The following ATXN7 variants were observed in gnomAD, a reference collection of about 807,000 sequenced individuals.
ATXN7 encodes ataxin 7.
Under a neutral mutation model 70.5 loss-of-function variants are expected in ATXN7, and 12 were observed. The observed-to-expected ratio is 0.17, with a 90% CI of 0.11 to 0.28. The LOEUF is 0.28. Ranked by LOEUF, ATXN7 falls within the 10% of genes least tolerant of loss-of-function variation. The probability of loss-of-function intolerance (pLI) is 1.00; values close to 1 mark genes in which losing one functional copy is unlikely to be tolerated. For missense variants in ATXN7, 1,256 were observed against 1,131.7 expected (o/e 1.11, Z -1.58); for synonymous variants, 498 against 448.7 (o/e 1.11, Z -1.39).
In ATXN7 at chr3:63,988,136, C is replaced by T; in HGVS notation, c.1173C>T (p.Asn391=). Reference sequence around the variant, plus strand: ...ATGTGTTATTAGCCGAGCACAAAAACAAAACCAGGGAAAAGGAATTGATTC... The same window carrying T: ...ATGTGTTATTAGCCGAGCACAAAAATAAAACCAGGGAAAAGGAATTGATTC... The part of the protein sequence containing the change: ...RFDVLLAEHK[N]KTREKELIRH... The change falls in exon 9 of 13, where the codon AAC becomes AAT. Residue 391 remains asparagine (N), a synonymous_variant. Coordinates refer to ENST00000674280, the MANE Select transcript of ATXN7 (RefSeq NM_001377405.1). The T allele has an allele frequency of 6.2e-7, 1 of 1,614,038 alleles. No individual in the cohort carries two copies. Among genetic ancestry groups the T allele is most frequent in the Non-Finnish European group, 8.5e-7 (1 of 1,179,988 alleles).
At chr3:63,931,499 C>A (rs966002810) in intron 4 of ATXN7, among the ~76,000 whole-genome samples, 1 of 152,094 alleles carries the variant, frequency 6.6e-6, no homozygotes, top group African/African-American at 2.4e-5. Context: ...GAGGACACTT[C>A]GGGACTTTCT....
intron 11 of ATXN7, among the ~76,000 whole-genome samples, chr3:63,994,922 G>A (rs1337364687): frequency 6.6e-6 from 1 of 152,210 alleles, no homozygotes; most frequent in Non-Finnish European, 1.5e-5. Flanking sequence ...ACAACACCAT[G>A]CTGAATATCC....
At chr3:63,924,875 G>T (rs1390717662) in intron 4 of ATXN7, among the ~76,000 whole-genome samples, 1 of 152,172 alleles carries the variant, frequency 6.6e-6, no homozygotes, top group African/African-American at 2.4e-5. Flanking sequence ...CTAAGGGAAT[G>T]ATGAGGAGGT....
intron 5 of ATXN7, among the ~76,000 whole-genome samples, chr3:63,960,582 A>T (rs2075111495): frequency 6.6e-6 from 1 of 152,148 alleles, no homozygotes; most frequent in African/African-American, 2.4e-5. Flanking sequence ...TAAAATCTGC[A>T]TCGGAAATAT....
chr3:63,953,525 T>C (rs1377460653), intron 5 of ATXN7, among the ~76,000 whole-genome samples: 1 of 152,120 alleles, frequency 6.6e-6, no homozygotes. Context: ...ATTTCAGTGG[T>C]TGATTTGCTG....
At chr3:63,943,446 G>T (rs1294196039) in intron 4 of ATXN7, among the ~76,000 whole-genome samples, 1 of 152,138 alleles carries the variant, frequency 6.6e-6, no homozygotes, top group African/African-American at 2.4e-5. Context: ...GTGGGCCCTG[G>T]TAAGCACGGC....
rs1447410088 is a variant in ATXN7, at chr3:63,996,307, C to G, written c.2485C>G (p.Leu829Val). 2.5e-6 allele frequency: 4 copies of G among 1,614,072 alleles called. No individual in the cohort carries two copies. The highest frequency in any genetic ancestry group is 1.3e-5 in the African/African-American group (1 of 74,924). The stretch of plus-strand genomic sequence containing the variant: ...CAGTTTTTCCCACTCACACACTCCT[C>G]TAGACAAACTCATAGGAAAGAAAAG... Reference protein sequence around the residue: ...HGSFSHSHTPLDKLIGKKRKC... With the variant: ...HGSFSHSHTPVDKLIGKKRKC... Residue 829 changes from leucine to valine, a missense_variant, in exon 12 of 13, where the codon CTA becomes GTA. By Grantham distance (32) the Leu-to-Val change is conservative. Transcript: ENST00000674280.
intron 5 of ATXN7, among the ~76,000 whole-genome samples, chr3:63,974,539 A>C (rs2075361933): frequency 6.6e-6 from 1 of 152,254 alleles, no homozygotes; most frequent in Non-Finnish European, 1.5e-5. Context: ...TTGCCTCTTA[A>C]GTAACCATGT....
At chr3:63,908,648 G>A (rs1416435997) in intron 2 of ATXN7, among the ~76,000 whole-genome samples, 1 of 152,080 alleles carries the variant, frequency 6.6e-6, no homozygotes, top group Non-Finnish European at 1.5e-5. Flanking sequence ...CGGTTGTGTG[G>A]GATCTTGTAT....
chr3:63,982,660 C>G (rs887262469), intron 7 of ATXN7, among the ~76,000 whole-genome samples: 170 of 78,652 alleles, frequency 2.2e-3, no homozygotes, highest in African/African-American at 7.9e-3. Context: ...GTGTGTGTGT[C>G]ATGTAAAAGT....
chr3:63,982,134 G>A, intron 6 of ATXN7, 52 bp from the exon 7 acceptor site: 1 of 1,610,050 alleles, frequency 6.2e-7, no homozygotes, highest in Non-Finnish European at 8.5e-7. Context: ...CCATTCACCT[G>A]GGGGCTGCTG....
intron 1 of ATXN7, among the ~76,000 whole-genome samples, chr3:63,884,808 C>T (rs1484638052): frequency 1.3e-5 from 2 of 151,720 alleles, no homozygotes. Context: ...TGCCACCATG[C>T]CCAGCTAATT....
chr3:63,908,346 T>C (rs898699395), intron 2 of ATXN7, among the ~76,000 whole-genome samples: 1 of 152,102 alleles, frequency 6.6e-6, no homozygotes, highest in African/African-American at 2.4e-5. Flanking sequence ...CAGCCCTGGC[T>C]CTCTCTGGAG....
chr3:63,937,045 TC>T (rs2074674336), intron 4 of ATXN7, among the ~76,000 whole-genome samples: 1 of 152,244 alleles, frequency 6.6e-6, no homozygotes, highest in Non-Finnish European at 1.5e-5. Flanking sequence ...GTGAAAATGT[TC>T]CTGCCTAGCC....
intron 10 of ATXN7, 89 bp from the exon 11 acceptor site, chr3:63,990,649 G>C: frequency 6.3e-7 from 1 of 1,593,406 alleles, no homozygotes; most frequent in South Asian, 1.1e-5. Flanking sequence ...TGTCTTTCCT[G>C]ATTAGCTCCT....
chr3:63,904,309 G>C (rs1336960348), intron 2 of ATXN7: 2 of 148,780 alleles, frequency 1.3e-5, no homozygotes, highest in Non-Finnish European at 3.0e-5. Context: ...TTTTGAGATG[G>C]AGTCTCACTC....
At position 63,995,664 on chromosome 3, in the gene ATXN7, T is replaced by C. The variant is rs1452529799; in HGVS notation, c.1842T>C (p.Asn614=). 1.2e-6 allele frequency: 2 copies of C among 1,614,024 alleles called. No homozygotes were observed. The highest frequency in any genetic ancestry group is 1.7e-6 in the Non-Finnish European group (2 of 1,180,030). The change falls in exon 12 of 13, where the codon AAT becomes AAC. Residue 614 remains asparagine, a synonymous_variant. Transcript: ENST00000674280. ...TCTCATCTACCTGCATCTCCCCAAA[T>C]AGCAAATCGGTACCAGCTCATGGAA... ...VLLSSTCISP[N]SKSVPAHGTT...
intron 5 of ATXN7, among the ~76,000 whole-genome samples, chr3:63,956,407 C>A (rs1213604434): frequency 9.5e-6 from 1 of 105,690 alleles, no homozygotes. Flanking sequence ...GGTGACGGAG[C>A]GAGACTGCAT....
intron 5 of ATXN7, among the ~76,000 whole-genome samples, chr3:63,955,921 C>T (rs531982310): frequency 5.4e-4 from 82 of 152,326 alleles, no homozygotes; most frequent in African/African-American, 1.8e-3. Context: ...CTTGTAAAAT[C>T]AGTCAGTGTT....
Sources: allele counts gnomAD v4.1 joint callset (sites outside exome capture counted in the v4.1 genomes callset), GRCh38; gene constraint gnomAD v4.1.1; transcripts MANE v1.5; gene names NCBI Gene and HGNC (gene_info 2026-07-23, HGNC 2026-07-21).